The following BSN variants were observed in gnomAD, a reference collection of about 807,000 sequenced individuals.
BSN encodes bassoon presynaptic cytomatrix protein, also known as protein bassoon.
In BSN, 57 loss-of-function variants were observed where a neutral mutation model predicts 264.8. That is an observed-to-expected ratio of 0.22 (90% CI 0.17 to 0.27). The LOEUF (loss-of-function observed/expected upper bound fraction) is 0.27, where lower values mean the gene tolerates loss of function less well. Among genes scored for constraint, BSN ranks in the 10% least tolerant of loss-of-function variants. The probability of loss-of-function intolerance (pLI) is 1.00; values close to 1 mark genes in which losing one functional copy is unlikely to be tolerated. For missense variants in BSN, 4,615 were observed against 5,232.5 expected (o/e 0.88, Z 3.64); for synonymous variants, 2,059 against 2,137.3 (o/e 0.96, Z 1.01).
Position 49,663,136 on chromosome 3 carries a change from G to A in BSN, c.10978G>A (p.Glu3660Lys). 1 of 1,612,254 alleles carries A rather than the reference G, an allele frequency of 6.2e-7. No homozygotes were observed. Among genetic ancestry groups the A allele is most frequent in the African/African-American group, 1.3e-5 (1 of 75,056 alleles). ...HGRHSGRHTGEEPGRRAAKPH... is the reference protein window; with the variant it reads ...HGRHSGRHTGKEPGRRAAKPH... ...GCGGCACTCAGGCCGCCACACTGGT[G>A]AGGAGCCGGGACGGCGTGCTGCCAA... Residue 3660 changes from glutamate (E) to lysine (K), a missense_variant, in exon 7 of 12, where the codon GAG (glutamate) becomes AAG (lysine). Glu to Lys is a moderately conservative substitution (Grantham distance 56). Around this residue, in one of 3 missense-constraint regions of BSN, gnomAD observed 3,415 missense variants for 3,866.4 expected, o/e 0.88. Transcript: ENST00000296452.
At chr3:49,626,546 C>T (rs747365902) in intron 2 of BSN, among the ~76,000 whole-genome samples, 2 of 152,058 alleles carry the variant, frequency 1.3e-5, no homozygotes, top group Non-Finnish European at 2.9e-5. Context: ...CGTGCATGCT[C>T]GTGATTATTG....
rs1438276416 is a variant in BSN, at chr3:49,656,485, C to T, written c.6929C>T (p.Pro2310Leu). Residue 2310 changes from proline to leucine, a missense_variant, in exon 5 of 12, where the codon CCT (proline) becomes CTT (leucine). Coordinates refer to ENST00000296452, the MANE Select transcript of BSN (RefSeq NM_003458.4). ...CCAGTAGGGGCTGCACGGGAAGAGC[C>T]TCTTCCCACAACCACCCCTGCTGCC... ...EMPVGAAREE[P>L]LPTTTPAAIK... 4 of 1,596,010 alleles carry T rather than the reference C, an allele frequency of 2.5e-6. No homozygotes were observed. The highest frequency in any genetic ancestry group is 3.4e-6 in the Non-Finnish European group (4 of 1,169,654).
At chr3:49,608,611 C>T (rs951804019) in intron 1 of BSN, among the ~76,000 whole-genome samples, 1 of 151,628 alleles carries the variant, frequency 6.6e-6, no homozygotes, top group Admixed American at 6.6e-5. Context: ...GGGTGGATCA[C>T]GAGGTCAGGA....
At chr3:49,662,606 G>GGGGGCCTGCCTACCTGT (rs764301416) in intron 6 of BSN, 44 bp downstream of exon 6, 2 of 1,544,382 alleles carry the variant, frequency 1.3e-6, no homozygotes, top group African/African-American at 2.7e-5. Context: ...TCAGCAGCTG[G>GGGGGCCTGCCTACCTGT]GGGGCCTGCC....
In BSN at chr3:49,669,842, C is replaced by A. The variant is rs992708270; in HGVS notation, c.*2357C>A. The A allele has an allele frequency of 1.3e-5, 2 of 152,628 alleles. No homozygotes were observed. Among genetic ancestry groups the A allele is most frequent in the Non-Finnish European group, 2.9e-5 (2 of 68,068 alleles). The allele number at this position is 152,628 out of a possible 1,614,324, so 9.5% of individuals were successfully genotyped here. ...CAGGACCTATGCTCCCTGCTCACCCCCTTCTCCAAAGCCCAAGCGTCCCGC... is the reference window on the plus strand; with the variant it reads ...CAGGACCTATGCTCCCTGCTCACCCACTTCTCCAAAGCCCAAGCGTCCCGC... On this transcript the variant is annotated 3_prime_UTR_variant, in exon 12 of 12. Transcript: ENST00000296452.
intron 1 of BSN, among the ~76,000 whole-genome samples, chr3:49,609,753 CTGAG>C (rs1559604602): frequency 2.6e-5 from 4 of 152,170 alleles, no homozygotes; most frequent in African/African-American, 9.7e-5. Context: ...AACAGGCTGT[CTGAG>C]TGAGACTCCT....
intron 1 of BSN, among the ~76,000 whole-genome samples, chr3:49,560,846 G>C (rs1021229657): frequency 6.6e-6 from 1 of 152,114 alleles, no homozygotes; most frequent in African/African-American, 2.4e-5. Context: ...TGTACAGATC[G>C]GGCTTCTAGT....
At position 49,660,204 on chromosome 3, in the gene BSN, G is replaced by A. The variant is rs1412565450; in HGVS notation, c.8641-282G>A. ...GTTCTCAAAGCCATGTGCTGGGCCA[G>A]TACAGGACATTGGCATGAAGGGAAT... On this transcript the variant is annotated intron_variant, in intron 5 of 11. Transcript: ENST00000296452. This position sits in a 1 kb window ranked among gnomAD's most constrained non-coding sequence, Gnocchi z 7.1. 1.3e-5 allele frequency among the ~76,000 whole-genome samples: 2 copies of A among 152,326 alleles called. No individual in the cohort carries two copies. The highest frequency in any genetic ancestry group is 2.9e-5 in the Non-Finnish European group (2 of 68,032).
At position 49,662,454 on chromosome 3, in the gene BSN, A is replaced by G. The variant is rs778906963; in HGVS notation, c.10609A>G (p.Met3537Val). 1.4e-5 allele frequency: 23 copies of G among 1,613,546 alleles called. No homozygotes were observed. Among genetic ancestry groups the G allele is most frequent in the Admixed American group, 3.3e-5 (2 of 60,006 alleles). The change falls in exon 6 of 12, where the codon ATG (methionine) becomes GTG (valine). Residue 3537 changes from methionine to valine, a missense_variant. Met to Val is a conservative substitution (Grantham distance 21). Coordinates refer to ENST00000296452, the MANE Select transcript of BSN (RefSeq NM_003458.4). ...CCCACAGTTCTGCTCCAGCCACTCCATGCCTGATGTCCAGGAACATGTCAA... is the reference window on the plus strand; with the variant it reads ...CCCACAGTTCTGCTCCAGCCACTCCGTGCCTGATGTCCAGGAACATGTCAA... ...TCPQFCSSHS[M>V]PDVQEHVKDG... is the part of the protein sequence containing the mutation.
chr3:49,654,651 G>T lies in BSN; in HGVS notation c.5095G>T (p.Ala1699Ser), dbSNP rs1324537550. The T allele has an allele frequency of 6.2e-7, 1 of 1,613,898 alleles. No homozygotes were observed. Among genetic ancestry groups the T allele is most frequent in the Admixed American group, 1.7e-5 (1 of 60,026 alleles). The change falls in exon 5 of 12, where the codon GCC (alanine) becomes TCC (serine). Residue 1699 changes from alanine to serine, a missense_variant. Around this residue, in one of 3 missense-constraint regions of BSN, gnomAD observed 3,415 missense variants for 3,866.4 expected, o/e 0.88. Transcript: ENST00000296452. This position sits in a 1 kb window ranked among gnomAD's most constrained non-coding sequence, Gnocchi z 4.1. ...TGTGGAAGCGAGGAAGTATGGTCTTGCCCTGGATCCAATCCCAGGACGGCA... is the reference window on the plus strand; with the variant it reads ...TGTGGAAGCGAGGAAGTATGGTCTTTCCCTGGATCCAATCCCAGGACGGCA... The part of the protein sequence containing the change: ...LAVEARKYGL[A>S]LDPIPGRQST...
At chr3:49,662,620 C>T (rs1357584601) in intron 6 of BSN, 58 bp downstream of exon 6, 36 of 1,536,878 alleles carry the variant, frequency 2.3e-5, no homozygotes, top group Non-Finnish European at 3.1e-5. Context: ...GCCTGCCTAC[C>T]TGTGGGGCCC....
intron 1 of BSN, among the ~76,000 whole-genome samples, chr3:49,576,645 C>T (rs2051847240): frequency 6.6e-6 from 1 of 152,174 alleles, no homozygotes; most frequent in Non-Finnish European, 1.5e-5. Flanking sequence ...TGGTCTTGAA[C>T]TCCTGGCCTC....
chr3:49,588,345 C>G (rs1021676096), intron 1 of BSN, among the ~76,000 whole-genome samples: 5 of 152,156 alleles, frequency 3.3e-5, no homozygotes, highest in African/African-American at 4.8e-5. Context: ...GCATCCTTGT[C>G]ATGTTCCAGA....
intron 8 of BSN, 25 bp downstream of exon 8, chr3:49,663,911 G>C (rs2052689042): frequency 6.2e-7 from 1 of 1,609,368 alleles, no homozygotes; most frequent in Admixed American, 1.7e-5. Context: ...TGACACCCTT[G>C]GCTGTGGCCC....
At chr3:49,571,685 C>G (rs1448572050) in intron 1 of BSN, among the ~76,000 whole-genome samples, 1 of 152,106 alleles carries the variant, frequency 6.6e-6, no homozygotes, top group African/African-American at 2.4e-5. Flanking sequence ...CTTTCTTCCT[C>G]CAACTGCCAT....
intron 1 of BSN, among the ~76,000 whole-genome samples, chr3:49,595,275 C>T (rs1006200227): frequency 2.0e-5 from 3 of 151,058 alleles, no homozygotes; most frequent in African/African-American, 4.9e-5. Context: ...TCACTGCAAT[C>T]TCCACCTCCT....
chr3:49,667,501 T>C (rs2052720948), intron 11 of BSN, 89 bp from the exon 12 acceptor site: 1 of 152,648 alleles, frequency 6.6e-6, no homozygotes, highest in African/African-American at 2.4e-5. Flanking sequence ...CTGAGAGGAA[T>C]GTGAGGGTGA....
At chr3:49,631,557 C>T (rs1008302396) in intron 2 of BSN, among the ~76,000 whole-genome samples, 1 of 67,796 alleles carries the variant, frequency 1.5e-5, no homozygotes, top group Non-Finnish European at 3.3e-5. Flanking sequence ...GACTCTGTCT[C>T]AAAAAAAAAA....
chr3:49,630,069 G>A (rs1187570104), intron 2 of BSN, among the ~76,000 whole-genome samples: 1 of 152,250 alleles, frequency 6.6e-6, no homozygotes, highest in African/African-American at 2.4e-5. Flanking sequence ...TTCCGGCAAG[G>A]GCCAGGGCTC....
Sources: allele counts gnomAD v4.1 joint callset (sites outside exome capture counted in the v4.1 genomes callset), GRCh38; gene constraint gnomAD v4.1.1; regional missense constraint gnomAD v4.1.1; non-coding constraint Gnocchi (gnomAD v3.1); transcripts MANE v1.5; gene names NCBI Gene and HGNC (gene_info 2026-07-23, HGNC 2026-07-21).